The following AURKAIP1 variants were observed in gnomAD, a reference collection of about 807,000 sequenced individuals.
AURKAIP1 encodes aurora kinase A interacting protein 1.
Under a neutral mutation model 18.4 loss-of-function variants are expected in AURKAIP1, and 20 were observed. The observed-to-expected ratio is 1.09, with a 90% confidence interval of 0.77 to 1.58. The LOEUF is 1.58. AURKAIP1 is among the 40% of genes most tolerant of loss of function. The pLI is 0.00. For synonymous variants in AURKAIP1, 156 were observed against 120.8 expected, an observed-to-expected ratio of 1.29 and a Z score of -1.91; for missense variants, 319 against 270.7, an observed-to-expected ratio of 1.18 and a Z score of -1.25.
In AURKAIP1 at chr1:1,374,050, T is replaced by G; in HGVS notation, c.448A>C (p.Thr150Pro). The G allele has an allele frequency of 6.2e-7, 1 of 1,607,600 alleles. No homozygotes were observed. Among genetic ancestry groups the G allele is most frequent in the Non-Finnish European group, 8.5e-7 (1 of 1,176,206 alleles). ...TGGACCTTCCTCCGCAGGAACCGCG[T>G]CTTCTTCACCAGCTTCCGGTACTTG... ...HHKYRKLVKK[T>P]RFLRRKVQEG... Residue 150 changes from threonine (T) to proline (P), a missense_variant, in exon 3 of 4, where the codon ACG becomes CCG. Transcript: ENST00000338338.
intron 2 of AURKAIP1, 98 bp downstream of exon 2, chr1:1,374,607 T>C (rs1367446915): frequency 2.3e-5 from 31 of 1,370,222 alleles, no homozygotes; most frequent in Non-Finnish European, 3.0e-5. Context: ...GGGGAAAGAG[T>C]GTGTGTGTGG....
At chr1:1,374,636 C>G (rs1203015599) in intron 2 of AURKAIP1, 69 bp downstream of exon 2, 1 of 1,506,282 alleles carries the variant, frequency 6.6e-7, no homozygotes, top group South Asian at 1.2e-5. Flanking sequence ...CCTGCCCCAG[C>G]GGAGCTGCTG....
intron 2 of AURKAIP1, 37 bp from the exon 3 acceptor site, chr1:1,374,482 G>A (rs767920663): frequency 4.9e-6 from 7 of 1,432,852 alleles, no homozygotes; most frequent in South Asian, 1.5e-5. Flanking sequence ...CCGCTCGCGA[G>A]ACCACACAGG....
chr1:1,374,058 A>C lies in AURKAIP1; in HGVS notation c.440T>G (p.Val147Gly). ...KMNHHKYRKL[V>G]KKTRFLRRKV... ...CCTCCGCAGGAACCGCGTCTTCTTCACCAGCTTCCGGTACTTGTGGTGGTT... is the reference window on the plus strand; with the variant it reads ...CCTCCGCAGGAACCGCGTCTTCTTCCCCAGCTTCCGGTACTTGTGGTGGTT... The change falls in exon 3 of 4, where the codon GTG becomes GGG. Residue 147 changes from valine to glycine, a missense_variant. Val to Gly is a moderately radical substitution (Grantham distance 109). Transcript: ENST00000338338. The C allele has an allele frequency of 1.2e-6, 2 of 1,608,038 alleles. No individual in the cohort carries two copies. The highest frequency in any genetic ancestry group is 1.7e-6 in the Non-Finnish European group (2 of 1,176,304).
At chr1:1,374,985 G>A (rs1269162657) in intron 1 of AURKAIP1, 169 bp downstream of exon 1, 1 of 498,548 alleles carries the variant, frequency 2.0e-6, no homozygotes, top group Non-Finnish European at 3.5e-6. Flanking sequence ...GCGGTGTCGC[G>A]CTCGGACGCA....
At position 1,374,790 on chromosome 1, in the gene AURKAIP1, G is replaced by A. The variant is rs1451480716; in HGVS notation, c.-34C>T. The A allele has an allele frequency of 1.3e-6, 2 of 1,547,650 alleles. No individual in the cohort carries two copies. Among genetic ancestry groups the A allele is most frequent in the Non-Finnish European group, 8.7e-7 (1 of 1,145,326 alleles). On this transcript the variant is annotated splice_region_variant and 5_prime_UTR_variant, in exon 2 of 4. Coordinates refer to ENST00000338338, the MANE Select transcript of AURKAIP1 (RefSeq NM_017900.3). The stretch of plus-strand genomic sequence containing the variant: ...GGCGGCGGCCACAGGTCCCAGGGGA[G>A]CTGGAACACAAGTGCCCGTTCAGGT...
chr1:1,374,392 G>A lies in AURKAIP1; in HGVS notation c.106C>T (p.Pro36Ser). 6.7e-7 allele frequency: 1 copy of A among 1,482,030 alleles called. No homozygotes were observed. The highest frequency in any genetic ancestry group is 8.9e-7 in the Non-Finnish European group (1 of 1,122,674). The allele number at this position is 1,482,030 out of a possible 1,614,324, so 91.8% of individuals were successfully genotyped here. Residue 36 changes from proline (P) to serine (S), a missense_variant, in exon 3 of 4, where the codon CCC becomes TCC. By Grantham distance (74) the Pro-to-Ser change is moderately conservative (BLOSUM62 -1). Coordinates refer to ENST00000338338, the MANE Select transcript of AURKAIP1 (RefSeq NM_017900.3). ...SGVLGSRVCG[P>S]LYSTSPAGPG... ...CCGGCCGGCGATGTGCTGTAAAGGG[G>A]CCCGCAGACCCGGCTGCCCAGCACT...
rs1644332350 is a variant in AURKAIP1 at position 1,374,785 on chromosome 1, G to A, written c.-29C>T. On this transcript the variant is annotated 5_prime_UTR_variant, in exon 2 of 4. Transcript: ENST00000338338. ...CTGTGGGCGGCGGCCACAGGTCCCA[G>A]GGGAGCTGGAACACAAGTGCCCGTT... 3.9e-6 allele frequency: 6 copies of A among 1,549,628 alleles called. No individual in the cohort carries two copies. Among genetic ancestry groups the A allele is most frequent in the Non-Finnish European group, 5.2e-6 (6 of 1,146,610 alleles).
In AURKAIP1 at chr1:1,374,389, G is replaced by C; in HGVS notation, c.109C>G (p.Leu37Val). ...GGGCCGGCCGGCGATGTGCTGTAAA[G>C]GGGCCCGCAGACCCGGCTGCCCAGC... ...GVLGSRVCGP[L>V]YSTSPAGPGR... Residue 37 changes from leucine (L) to valine (V), a missense_variant, in exon 3 of 4, where the codon CTT becomes GTT. Transcript: ENST00000338338. The C allele has an allele frequency of 6.7e-7, 1 of 1,484,460 alleles. No homozygotes were observed. The highest frequency in any genetic ancestry group is 8.9e-7 in the Non-Finnish European group (1 of 1,123,826). The allele number at this position is 1,484,460 out of a possible 1,614,324, so 92.0% of individuals were successfully genotyped here. A position where few individuals can be genotyped will look rare whatever the true frequency, so the allele number is the denominator to read the frequency against.
In AURKAIP1 at chr1:1,374,816, C is replaced by T. The variant is rs529608234; in HGVS notation, c.-34-26G>A. 2.4e-5 allele frequency: 36 copies of T among 1,497,788 alleles called. No homozygotes were observed. The South Asian group carries it at 4.3e-4, about 18-fold the overall frequency. 92.8% of individuals were successfully genotyped at this position (1,497,788 alleles called of 1,614,324 possible). On this transcript the variant is annotated intron_variant, in intron 1 of 3. Transcript: ENST00000338338. ...CTGGAACACAAGTGCCCGTTCAGGT[C>T]AGGCGGCAGCGCCTTCAGTAGTCGC...
intron 1 of AURKAIP1, 53 bp from the exon 2 acceptor site, chr1:1,374,843 G>C (rs1644333273): frequency 7.5e-7 from 1 of 1,341,412 alleles, no homozygotes; most frequent in African/African-American, 1.5e-5. Flanking sequence ...AGTAGTCGCG[G>C]GCGGGCCGGG....
chr1:1,373,842 CG>C lies in AURKAIP1; in HGVS notation c.558del (p.Glu187LysfsTer28). The C allele has an allele frequency of 1.2e-6, 2 of 1,603,414 alleles. No individual in the cohort carries two copies. The highest frequency in any genetic ancestry group is 1.7e-6 in the Non-Finnish European group (2 of 1,179,740). On this transcript the variant is annotated frameshift_variant, in exon 4 of 4. Transcript: ENST00000338338. LOFTEE classifies it high-confidence loss of function. Reference protein sequence around the residue: ...IWLKAGLKEAPEGWQTPKIYL... With the variant: ...IWLKAGLKEAXEGWQTPKIYL... ...TAGATCTTGGGGGTCTGCCAGCCTT[CG>C]GGGGCTTCCTTTAGCCCCGCCTTCA... is the stretch of plus-strand genomic sequence containing the variant.
At position 1,374,798 on chromosome 1, in the gene AURKAIP1, A is replaced by G; in HGVS notation, c.-34-8T>C. 1 of 1,542,222 alleles carries G rather than the reference A, an allele frequency of 6.5e-7. No homozygotes were observed. The highest frequency in any genetic ancestry group is 8.8e-7 in the Non-Finnish European group (1 of 1,141,638). On this transcript the variant is annotated splice_region_variant and splice_polypyrimidine_tract_variant and intron_variant, in intron 1 of 3. Coordinates refer to ENST00000338338, the MANE Select transcript of AURKAIP1 (RefSeq NM_017900.3). ...CCACAGGTCCCAGGGGAGCTGGAACACAAGTGCCCGTTCAGGTCAGGCGGC... is the reference window on the plus strand; with the variant it reads ...CCACAGGTCCCAGGGGAGCTGGAACGCAAGTGCCCGTTCAGGTCAGGCGGC...
intron 1 of AURKAIP1, 81 bp from the exon 2 acceptor site, chr1:1,374,871 C>T: frequency 1.1e-6 from 1 of 933,624 alleles, no homozygotes; most frequent in Non-Finnish European, 1.6e-6. Flanking sequence ...CGTCTGGTCC[C>T]GCCGCGACCC....
intron 2 of AURKAIP1, 53 bp from the exon 3 acceptor site, chr1:1,374,498 C>A: frequency 7.0e-7 from 1 of 1,423,078 alleles, no homozygotes; most frequent in South Asian, 1.5e-5. Context: ...ACAGGCCCGT[C>A]GGGTTGAGGA....
chr1:1,374,497 T>C (rs1644328650), intron 2 of AURKAIP1, 52 bp from the exon 3 acceptor site: 2 of 1,425,862 alleles, frequency 1.4e-6, no homozygotes, highest in Non-Finnish European at 9.2e-7. Flanking sequence ...CACAGGCCCG[T>C]CGGGTTGAGG....
At position 1,374,174 on chromosome 1, in the gene AURKAIP1, T is replaced by A. The variant is rs561550869; in HGVS notation, c.324A>T (p.Ile108=). The change falls in exon 3 of 4, where the codon ATA becomes ATT. Residue 108 remains isoleucine (I), a synonymous_variant. Transcript: ENST00000338338. Reference sequence around the variant, plus strand: ...CATCCCCCTGCTCGGCCCCTTCCCCTATCTGGCTGGGCGGACACTGGTAGG... The same window carrying A: ...CATCCCCCTGCTCGGCCCCTTCCCCAATCTGGCTGGGCGGACACTGGTAGG... The part of the protein sequence containing the change: ...PQSYQCPPSQ[I]GEGAEQGDEG... 2 of 1,613,892 alleles carry A rather than the reference T, an allele frequency of 1.2e-6. No homozygotes were observed. The highest frequency in any genetic ancestry group is 1.7e-6 in the Non-Finnish European group (2 of 1,180,008).
chr1:1,373,864 C>T lies in AURKAIP1; in HGVS notation c.537G>A (p.Lys179=), dbSNP rs1026041397. Residue 179 remains lysine (K), a synonymous_variant, in exon 4 of 4, where the codon AAG becomes AAA. Coordinates refer to ENST00000338338, the MANE Select transcript of AURKAIP1 (RefSeq NM_017900.3). ...FEKDLRRIWL[K]AGLKEAPEGW... is the part of the protein sequence containing the mutation. The stretch of plus-strand genomic sequence containing the variant: ...CTTCGGGGGCTTCCTTTAGCCCCGC[C>T]TTCAGCCAGATGCGCCTCAGGTCTT... 2.5e-6 allele frequency: 4 copies of T among 1,607,572 alleles called. No individual in the cohort carries two copies. The South Asian group carries it at 4.4e-5, about 18-fold the overall frequency.
chr1:1,374,877 G>A, intron 1 of AURKAIP1, 87 bp from the exon 2 acceptor site: 1 of 886,868 alleles, frequency 1.1e-6, no homozygotes, highest in Non-Finnish European at 1.7e-6. Flanking sequence ...GTCCCGCCGC[G>A]ACCCTCGCTT....
Sources: allele counts gnomAD v4.1 joint callset, GRCh38; gene constraint gnomAD v4.1.1; transcripts MANE v1.5; gene names NCBI Gene and HGNC (gene_info 2026-07-23, HGNC 2026-07-21).